CDK9: variants seen among roughly 807,000 people sequenced by gnomAD.
The protein encoded by CDK9 is cyclin-dependent kinase 9.
Under a neutral mutation model 39.0 loss-of-function variants are expected in CDK9, and 34 were observed. The observed-to-expected ratio is 0.87, with a 90% CI of 0.66 to 1.16. The LOEUF (loss-of-function observed/expected upper bound fraction) is 1.16. Ranked by LOEUF, CDK9 falls within the 50% of genes most tolerant of loss-of-function variation. The probability of loss-of-function intolerance (pLI) is 0.00; values close to 1 mark genes in which losing one functional copy is unlikely to be tolerated. For missense variants in CDK9, 369 were observed against 503.2 expected, an observed-to-expected ratio of 0.73 and a Z score of 2.55; for synonymous variants, 233 against 196.2, an observed-to-expected ratio of 1.19 and a Z score of -1.57.
At chr9:127,787,634 G>C (rs765076795) in intron 3 of CDK9, 26 bp downstream of exon 3, 1 of 1,508,106 alleles carries the variant, frequency 6.6e-7, no homozygotes, top group South Asian at 1.1e-5. Flanking sequence ...CTTACGAGAA[G>C]ATGACACTTG....
chr9:127,786,728 G>T lies in CDK9; in HGVS notation c.120G>T (p.Lys40Asn). The change falls in exon 2 of 7, where the codon AAG (lysine) becomes AAT (asparagine). Residue 40 changes from lysine (K) to asparagine (N), a missense_variant. Lys to Asn is a moderately conservative substitution (Grantham distance 94, BLOSUM62 0). Coordinates refer to ENST00000373264, the MANE Select transcript of CDK9 (RefSeq NM_001261.4). ...FGEVFKARHR[K>N]TGQKVALKKV... ...AGGTGTTCAAGGCCAGGCACCGCAA[G>T]ACCGGCCAGAAGGTGGCTCTGAAGA... 3 of 1,614,082 alleles carry T rather than the reference G, an allele frequency of 1.9e-6. No homozygotes were observed. Among genetic ancestry groups the T allele is most frequent in the Non-Finnish European group, 2.5e-6 (3 of 1,180,004 alleles).
rs1316938070 is a variant in CDK9 at position 127,790,663 on chromosome 9, C to G, written c.*1120C>G. On this transcript the variant is annotated 3_prime_UTR_variant, in exon 7 of 7. Transcript: ENST00000373264. ...TCTGGAGGTCAATTTCCTACATCCT[C>G]TTACAGGCGGAGACCTTGAAGTGGG... 6.6e-6 allele frequency: 1 copy of G among 152,136 alleles called. No individual in the cohort carries two copies. The highest frequency in any genetic ancestry group is 2.1e-4 in the South Asian group (1 of 4,830). The allele number at this position is 152,136 out of a possible 1,614,324, so 9.4% of individuals were successfully genotyped here.
At chr9:127,786,466 G>C (rs1829321004) in intron 1 of CDK9, among the ~76,000 whole-genome samples, 1 of 152,214 alleles carries the variant, frequency 6.6e-6, no homozygotes, top group Admixed American at 6.5e-5. Flanking sequence ...AGGCGCCCGT[G>C]AGGGGAGCGG....
chr9:127,787,366 C>G (rs892000947), intron 2 of CDK9, 152 bp from the exon 3 acceptor site: 8 of 571,216 alleles, frequency 1.4e-5, no homozygotes, highest in African/African-American at 1.1e-4. Flanking sequence ...GTGCATGCTA[C>G]TAATATCCAT....
rs1588537446 is a variant in CDK9, at chr9:127,786,684, T to C, written c.93-17T>C. ...AAATGGCCTGATGAGTTCTCGGGTC[T>C]CCCTTTCCGCCTGCAGGGAGGTGTT... is the stretch of plus-strand genomic sequence containing the variant. On this transcript the variant is annotated splice_polypyrimidine_tract_variant and intron_variant, in intron 1 of 6. Coordinates refer to ENST00000373264, the MANE Select transcript of CDK9 (RefSeq NM_001261.4). 6.2e-7 allele frequency: 1 copy of C among 1,611,824 alleles called. No individual in the cohort carries two copies. The highest frequency in any genetic ancestry group is 1.7e-5 in the Admixed American group (1 of 59,846).
chr9:127,787,141 G>T (rs1048529753), intron 2 of CDK9, among the ~76,000 whole-genome samples: 1 of 152,048 alleles, frequency 6.6e-6, no homozygotes, highest in African/African-American at 2.4e-5. Flanking sequence ...TAAAAGGAGC[G>T]GTCCCTTCTC....
chr9:127,789,660 C>A lies in CDK9; in HGVS notation c.*117C>A. On this transcript the variant is annotated 3_prime_UTR_variant, in exon 7 of 7. Coordinates refer to ENST00000373264, the MANE Select transcript of CDK9 (RefSeq NM_001261.4). The surrounding 1 kb of genome is among the most constrained non-coding windows in gnomAD (Gnocchi z 5.2). ...CATGCATATTTTATTTAATCCCCAC[C>A]CTGGGCTCTGGGAGCAGCCCGCTGA... The A allele has an allele frequency of 5.1e-6, 7 of 1,359,702 alleles. No individual in the cohort carries two copies. Among genetic ancestry groups the A allele is most frequent in the Non-Finnish European group, 6.9e-6 (7 of 1,015,212 alleles). The allele number at this position is 1,359,702 out of a possible 1,614,324, so 84.2% of individuals were successfully genotyped here. A position where few individuals can be genotyped will look rare whatever the true frequency, so the allele number is the denominator to read the frequency against.
chr9:127,787,905 T>C (rs1163128224), intron 3 of CDK9, 42 bp from the exon 4 acceptor site: 2 of 1,601,236 alleles, frequency 1.2e-6, no homozygotes, highest in Non-Finnish European at 1.7e-6. Context: ...GTGTGTTGGG[T>C]GTGGTTTTCT....
intron 1 of CDK9, among the ~76,000 whole-genome samples, 157 bp from the exon 2 acceptor site, chr9:127,786,544 A>T (rs1325495894): frequency 6.6e-6 from 1 of 152,178 alleles, no homozygotes; most frequent in Non-Finnish European, 1.5e-5. Context: ...TCCGAACGAG[A>T]CAGGCTGCCG....
Position 127,789,511 on chromosome 9 carries a change from A to G in CDK9, c.1087A>G (p.Thr363Ala), listed in dbSNP as rs1451386730. The G allele has an allele frequency of 6.2e-7, 1 of 1,614,018 alleles. No individual in the cohort carries two copies. Among genetic ancestry groups the G allele is most frequent in the South Asian group, 1.1e-5 (1 of 91,074 alleles). ...CAACCAGAGTCGCAATCCCGCCACC[A>G]CCAACCAGACGGAGTTTGAGCGCGT... The part of the protein sequence containing the change: ...STNQSRNPAT[T>A]NQTEFERVF The change falls in exon 7 of 7, where the codon ACC becomes GCC. Residue 363 changes from threonine to alanine, a missense_variant. Coordinates refer to ENST00000373264, the MANE Select transcript of CDK9 (RefSeq NM_001261.4). This position sits in a 1 kb window ranked among gnomAD's most constrained non-coding sequence, Gnocchi z 5.2.
chr9:127,786,447 G>T (rs1052871563), intron 1 of CDK9, among the ~76,000 whole-genome samples: 3 of 152,218 alleles, frequency 2.0e-5, no homozygotes, highest in African/African-American at 7.2e-5. Flanking sequence ...GCGGGGAGGG[G>T]CTGCAGAGAG....
rs766161082 is a variant in CDK9 at position 127,788,295 on chromosome 9, C to T, written c.514C>T (p.Arg172Trp). 1.2e-5 allele frequency: 19 copies of T among 1,613,228 alleles called. No individual in the cohort carries two copies. Among genetic ancestry groups the T allele is most frequent in the Non-Finnish European group, 1.4e-5 (17 of 1,179,986 alleles). ...GAAGCTGGCAGACTTTGGGCTGGCC[C>T]GGGCCTTCAGCCTGGCCAAGAACAG... ...VLKLADFGLARAFSLAKNSQP... is the reference protein window; with the variant it reads ...VLKLADFGLAWAFSLAKNSQP... Residue 172 changes from arginine (R) to tryptophan (W), a missense_variant, in exon 5 of 7, where the codon CGG (arginine) becomes TGG (tryptophan). By Grantham distance (101) the Arg-to-Trp change is moderately radical. Coordinates refer to ENST00000373264, the MANE Select transcript of CDK9 (RefSeq NM_001261.4).
Position 127,789,468 on chromosome 9 carries a change from G to A in CDK9, c.1044G>A (p.Gln348=). 1 of 1,614,154 alleles carries A rather than the reference G, an allele frequency of 6.2e-7. No homozygotes were observed. Among genetic ancestry groups the A allele is most frequent in the East Asian group, 2.2e-5 (1 of 44,882 alleles). The change falls in exon 7 of 7, where the codon CAG becomes CAA. Residue 348 remains glutamine, a synonymous_variant. Coordinates refer to ENST00000373264, the MANE Select transcript of CDK9 (RefSeq NM_001261.4). The surrounding 1 kb of genome is among the most constrained non-coding windows in gnomAD (Gnocchi z 5.2). ...YLAPPRRKGS[Q]ITQQSTNQSR... is the part of the protein sequence containing the mutation. Reference sequence around the variant, plus strand: ...CACCACCGCGCCGGAAGGGCAGCCAGATCACCCAGCAGTCCACCAACCAGA... The same window carrying A: ...CACCACCGCGCCGGAAGGGCAGCCAAATCACCCAGCAGTCCACCAACCAGA...
chr9:127,788,474 G>C lies in CDK9; in HGVS notation c.605-70G>C. On this transcript the variant is annotated intron_variant, in intron 5 of 6. Coordinates refer to ENST00000373264, the MANE Select transcript of CDK9 (RefSeq NM_001261.4). ...AACTGCCAGGGCTTCTTGAGCTGCC[G>C]GCCCTGGGGCATTGAGCCTCAGGAG... 7 of 1,530,664 alleles carry C rather than the reference G, an allele frequency of 4.6e-6. No homozygotes were observed. In the South Asian group the frequency reaches 8.5e-5, roughly 19 times the overall value. The allele number at this position is 1,530,664 out of a possible 1,614,324, so 94.8% of individuals were successfully genotyped here. A position where few individuals can be genotyped will look rare whatever the true frequency, so the allele number is the denominator to read the frequency against.
Position 127,789,740 on chromosome 9 carries a change from G to A in CDK9, c.*197G>A. The A allele has an allele frequency of 7.2e-6, 5 of 696,996 alleles. No homozygotes were observed. In the South Asian group the frequency reaches 9.8e-5, roughly 14 times the overall value. 43.2% of individuals were successfully genotyped at this position (696,996 alleles called of 1,614,324 possible). A position where few individuals can be genotyped will look rare whatever the true frequency, so the allele number is the denominator to read the frequency against. On this transcript the variant is annotated 3_prime_UTR_variant, in exon 7 of 7. Coordinates refer to ENST00000373264, the MANE Select transcript of CDK9 (RefSeq NM_001261.4). This position sits in a 1 kb window ranked among gnomAD's most constrained non-coding sequence, Gnocchi z 5.2. ...ACCAGGAGGGCACTGGAGCTGTCTTGTCCTTGCTGGTTTTCTGGATGGTTC... is the reference window on the plus strand; with the variant it reads ...ACCAGGAGGGCACTGGAGCTGTCTTATCCTTGCTGGTTTTCTGGATGGTTC...
chr9:127,789,590 A>C lies in CDK9; in HGVS notation c.*47A>C, dbSNP rs776011945. On this transcript the variant is annotated 3_prime_UTR_variant, in exon 7 of 7. Transcript: ENST00000373264. The surrounding 1 kb of genome is among the most constrained non-coding windows in gnomAD (Gnocchi z 5.2). The stretch of plus-strand genomic sequence containing the variant: ...GCTCTTGTGTTTTTTTTCTTCTGCT[A>C]TGTGACTTGCATCGTGGAGACAGGG... 3.8e-6 allele frequency: 6 copies of C among 1,588,176 alleles called. No individual in the cohort carries two copies. The African/African-American group carries it at 8.1e-5, about 21-fold the overall frequency.
Position 127,789,360 on chromosome 9 carries a change from C to G in CDK9, c.936C>G (p.His312Gln). The G allele has an allele frequency of 1.4e-5, 23 of 1,614,032 alleles. No individual in the cohort carries two copies. The highest frequency in any genetic ancestry group is 1.9e-5 in the Non-Finnish European group (22 of 1,180,036). ...QRIDSDDALN[H>Q]DFFWSDPMPS... ...TCGACAGCGATGACGCCCTCAACCA[C>G]GACTTCTTCTGGTCCGACCCCATGC... Residue 312 changes from histidine (H) to glutamine (Q), a missense_variant, in exon 7 of 7, where the codon CAC (histidine) becomes CAG (glutamine). Physicochemically the swap from His to Gln is conservative, Grantham distance 24. Coordinates refer to ENST00000373264, the MANE Select transcript of CDK9 (RefSeq NM_001261.4). This position sits in a 1 kb window ranked among gnomAD's most constrained non-coding sequence, Gnocchi z 5.2.
At position 127,786,232 on chromosome 9, in the gene CDK9, C is replaced by T. The variant is rs768849649; in HGVS notation, c.84C>T (p.Gly28=). 1.9e-6 allele frequency: 3 copies of T among 1,608,316 alleles called. No individual in the cohort carries two copies. The highest frequency in any genetic ancestry group is 2.5e-6 in the Non-Finnish European group (3 of 1,177,884). The change falls in exon 1 of 7, where the codon GGC becomes GGT. Residue 28 remains glycine, a synonymous_variant. Transcript: ENST00000373264. ...KYEKLAKIGQ[G]TFGEVFKARH... ...AGAAGCTCGCCAAGATCGGCCAAGG[C>T]ACCTTCGGGTAAGGCTGGGCCCCTC...
Position 127,786,181 on chromosome 9 carries a change from T to C in CDK9, c.33T>C (p.Pro11=), listed in dbSNP as rs1829309863. 1 of 1,609,066 alleles carries C rather than the reference T, an allele frequency of 6.2e-7. No homozygotes were observed. Among genetic ancestry groups the C allele is most frequent in the Non-Finnish European group, 8.5e-7 (1 of 1,178,078 alleles). The change falls in exon 1 of 7, where the codon CCT becomes CCC. Residue 11 remains proline (P), a synonymous_variant. Transcript: ENST00000373264. MAKQYDSVEC[P]FCDEVSKYEK... The stretch of plus-strand genomic sequence containing the variant: ...AGCAGTACGACTCGGTGGAGTGCCC[T>C]TTTTGTGATGAAGTTTCCAAATACG...
Sources: gnomAD v4.1 joint callset for allele counts (sites outside exome capture counted in the v4.1 genomes callset) on GRCh38, gnomAD v4.1.1 for gene constraint, Gnocchi (gnomAD v3.1) non-coding constraint, MANE v1.5 for transcripts, NCBI Gene and HGNC (gene_info 2026-07-23, HGNC 2026-07-21) for gene names.